SLC9A7: variants seen among roughly 807,000 people sequenced by gnomAD.
SLC9A7 encodes the protein sodium/hydrogen exchanger 7.
A neutral mutation model predicts 52.6 loss-of-function variants in SLC9A7; 19 were observed. The ratio of observed to expected loss-of-function variants is 0.36; its 90% CI spans 0.25 to 0.53. The LOEUF (loss-of-function observed/expected upper bound fraction) is 0.53, where lower values mean the gene tolerates loss of function less well. SLC9A7 is among the 20% of genes least tolerant of loss of function. The probability of loss-of-function intolerance (pLI) is 0.91; values close to 1 mark genes in which losing one functional copy is unlikely to be tolerated. For synonymous variants in SLC9A7, 226 were observed against 252.1 expected (o/e 0.90, Z 0.98); for missense variants, 455 against 597.9 (o/e 0.76, Z 2.49).
Position 46,659,556 on chromosome X carries a change from A to G in SLC9A7, c.1041+2460T>C, listed in dbSNP as rs1288589379. Among the ~76,000 whole-genome samples, 223 of 42,456 alleles carry G rather than the reference A, an allele frequency of 5.3e-3. 4 individuals carry two copies. The highest frequency in any genetic ancestry group is 0.03 in the African/African-American group (216 of 7,279). 36.9% of individuals were successfully genotyped at this position (42,456 alleles called of 115,157 possible). On this transcript the variant is annotated intron_variant, in intron 7 of 16. Coordinates refer to ENST00000616978, the MANE Select transcript of SLC9A7 (RefSeq NM_001257291.2). ...GATACAAAATCAATGTACAAAAATC[A>G]CAAGCATTCTTATACACCAACAACA...
At chrX:46,739,915 C>T (rs1921211845) in intron 1 of SLC9A7, among the ~76,000 whole-genome samples, 1 of 111,524 alleles carries the variant, frequency 9.0e-6, no homozygotes, top group Non-Finnish European at 1.9e-5. Flanking sequence ...TTATTCATAC[C>T]ACTGGGGAGA....
Position 46,607,153 on chromosome X carries a change from G to A in SLC9A7, c.1980C>T (p.Gly660=), listed in dbSNP as rs1942761607. The change falls in exon 17 of 17, where the codon GGC becomes GGT. Residue 660 remains glycine (G), a synonymous_variant. Transcript: ENST00000616978. The stretch of plus-strand genomic sequence containing the variant: ...TGTCCCCGTAGGTCAATGTCAGGTC[G>A]CCTTCGGTCAGGATGAAATCAGAGT... ...EEDSDFILTE[G]DLTLTYGDST... 2.5e-6 allele frequency: 3 copies of A among 1,210,790 alleles called. No homozygotes were observed. Among genetic ancestry groups the A allele is most frequent in the East Asian group, 3.0e-5 (1 of 33,830 alleles).
At chrX:46,717,973 G>A (rs926909828) in intron 1 of SLC9A7, among the ~76,000 whole-genome samples, 3 of 111,404 alleles carry the variant, frequency 2.7e-5, no homozygotes, top group Non-Finnish European at 5.6e-5. Flanking sequence ...AACCAAAAAC[G>A]AGCCCACATT....
chrX:46,601,692 GC>G lies in SLC9A7; in HGVS notation c.*5259del, dbSNP rs1355463385. On this transcript the variant is annotated 3_prime_UTR_variant, in exon 17 of 17. Transcript: ENST00000616978. ...CCACCCTGGATGCTCGGATCCATAT[GC>G]CCTTCCTGTGATTGTGTCCTAGGAA... 1 of 112,479 alleles carries G rather than the reference GC, an allele frequency of 8.9e-6. No homozygotes were observed. The highest frequency in any genetic ancestry group is 9.4e-5 in the Admixed American group (1 of 10,596). 9.3% of individuals were successfully genotyped at this position (112,479 alleles called of 1,213,427 possible). A position where few individuals can be genotyped will look rare whatever the true frequency, so the allele number is the denominator to read the frequency against.
intron 5 of SLC9A7, among the ~76,000 whole-genome samples, chrX:46,664,986 C>T (rs1943892874): frequency 9.0e-6 from 1 of 111,175 alleles, no homozygotes; most frequent in Non-Finnish European, 1.9e-5. Context: ...CTCATTCTCC[C>T]TGCTCATTAT....
At chrX:46,626,566 C>T (rs887738059) in intron 14 of SLC9A7, among the ~76,000 whole-genome samples, 3 of 112,860 alleles carry the variant, frequency 2.7e-5, no homozygotes, top group Non-Finnish European at 3.7e-5. Flanking sequence ...TGAGCCACCA[C>T]GCCCGGCCTG....
Position 46,602,824 on chromosome X carries a change from ATTC to A in SLC9A7, c.*4125_*4127del, listed in dbSNP as rs1354114276. Reference sequence around the variant, plus strand: ...TGATGCCTGACATGGCATAGGCAAAATTCTTCTAGATGTGGAACCACTTGACGA... The same window carrying A: ...TGATGCCTGACATGGCATAGGCAAAATTCTAGATGTGGAACCACTTGACGA... On this transcript the variant is annotated 3_prime_UTR_variant, in exon 17 of 17. Coordinates refer to ENST00000616978, the MANE Select transcript of SLC9A7 (RefSeq NM_001257291.2). The A allele has an allele frequency of 1.8e-5, 2 of 112,399 alleles. No individual in the cohort carries two copies. The highest frequency in any genetic ancestry group is 5.6e-4 in the East Asian group (2 of 3,596). 9.3% of individuals were successfully genotyped at this position (112,399 alleles called of 1,213,427 possible).
intron 7 of SLC9A7, among the ~76,000 whole-genome samples, chrX:46,659,093 T>C (rs373538597): frequency 6.3e-5 from 7 of 110,469 alleles, no homozygotes; most frequent in Admixed American, 5.8e-4. Context: ...AAATGTAATC[T>C]AGCATATAAA....
chrX:46,670,545 G>T (rs756485978), intron 4 of SLC9A7, among the ~76,000 whole-genome samples: 11 of 111,133 alleles, frequency 9.9e-5, no homozygotes, highest in Non-Finnish European at 2.1e-4. Context: ...AGTGATAGCA[G>T]CAGCTGCAGG....
At chrX:46,692,995 T>C (rs1266055402) in intron 1 of SLC9A7, among the ~76,000 whole-genome samples, 1 of 110,983 alleles carries the variant, frequency 9.0e-6, no homozygotes, top group Non-Finnish European at 1.9e-5. Flanking sequence ...GCCAGTTGTA[T>C]GAAAAAATCC....
intron 1 of SLC9A7, among the ~76,000 whole-genome samples, chrX:46,688,776 T>C (rs1944337407): frequency 9.0e-6 from 1 of 110,716 alleles, no homozygotes; most frequent in African/African-American, 3.3e-5. Flanking sequence ...GGCCATTGTA[T>C]ATCTTCTTTG....
chrX:46,703,325 C>A (rs1944559388), intron 1 of SLC9A7, among the ~76,000 whole-genome samples: 1 of 111,978 alleles, frequency 8.9e-6, no homozygotes, highest in Non-Finnish European at 1.9e-5. Context: ...CCAAAAAATT[C>A]TATGCCAAGT....
At chrX:46,723,298 C>CAAAAAAAAAAAAAAAAAAAAAAAA (rs764219707) in intron 1 of SLC9A7, among the ~76,000 whole-genome samples, 1 of 18,706 alleles carries the variant, frequency 5.3e-5, no homozygotes, top group Non-Finnish European at 1.1e-4. Flanking sequence ...AAGATTTCTA[C>CAAAAAAAAAAAAAAAAAAAAAAAA]AAAAAAAAAA....
At chrX:46,687,899 G>A (rs1048689676) in intron 1 of SLC9A7, among the ~76,000 whole-genome samples, 4 of 111,751 alleles carry the variant, frequency 3.6e-5, no homozygotes, top group Admixed American at 2.8e-4. Flanking sequence ...TAGATTTGCC[G>A]TTTCTGGACT....
intron 3 of SLC9A7, among the ~76,000 whole-genome samples, chrX:46,679,193 T>C (rs993018224): frequency 4.4e-5 from 5 of 112,724 alleles, no homozygotes; most frequent in African/African-American, 9.7e-5. Flanking sequence ...ATAAAGGTTG[T>C]TGGGTGTATC....
intron 7 of SLC9A7, among the ~76,000 whole-genome samples, chrX:46,657,446 AG>A (rs1213295913): frequency 9.0e-6 from 1 of 110,782 alleles, no homozygotes; most frequent in African/African-American, 3.3e-5. Flanking sequence ...TAAAGAGTCA[AG>A]ACCCATCAGT....
At chrX:46,627,819 G>A (rs1184434735) in intron 14 of SLC9A7, among the ~76,000 whole-genome samples, 1 of 109,562 alleles carries the variant, frequency 9.1e-6, no homozygotes, top group African/African-American at 3.3e-5. Context: ...CTGGAGGAAA[G>A]GCACCTCTGC....
chrX:46,707,610 G>A (rs2146929587), intron 1 of SLC9A7, among the ~76,000 whole-genome samples: 1 of 112,509 alleles, frequency 8.9e-6, no homozygotes, highest in Non-Finnish European at 1.9e-5. Flanking sequence ...CCTAGTTAAA[G>A]CTCAAACTCA....
At chrX:46,637,444 T>C (rs984281195) in intron 12 of SLC9A7, among the ~76,000 whole-genome samples, 1 of 112,773 alleles carries the variant, frequency 8.9e-6, no homozygotes, top group Non-Finnish European at 1.9e-5. Flanking sequence ...CAAAGAGCTT[T>C]ATTATAAATT....
Sources: allele counts gnomAD v4.1 joint callset (sites outside exome capture counted in the v4.1 genomes callset), GRCh38; gene constraint gnomAD v4.1.1; transcripts MANE v1.5; gene names NCBI Gene and HGNC (gene_info 2026-07-23, HGNC 2026-07-21).